The following SLC12A7 variants were observed in gnomAD, a reference collection of about 807,000 sequenced individuals.
SLC12A7 encodes solute carrier family 12 member 7, also known as K-Cl cotransporter 4.
In SLC12A7, 100 loss-of-function variants were observed where a neutral mutation model predicts 120.6. That is an observed-to-expected ratio of 0.83 (90% CI 0.71 to 0.98). The LOEUF (loss-of-function observed/expected upper bound fraction) is 0.98. Among genes scored for constraint, SLC12A7 ranks in the 50% least tolerant of loss-of-function variants. The probability of loss-of-function intolerance (pLI) is 0.00; values close to 1 mark genes in which losing one functional copy is unlikely to be tolerated. For missense variants in SLC12A7, 1,373 were observed against 1,548.1 expected, an observed-to-expected ratio of 0.89 and a Z score of 1.90; for synonymous variants, 760 against 678.0, an observed-to-expected ratio of 1.12 and a Z score of -1.88.
intron 20 of SLC12A7, among the ~76,000 whole-genome samples, chr5:1,063,570 C>T (rs966071755): frequency 6.6e-6 from 1 of 152,060 alleles, no homozygotes; most frequent in Non-Finnish European, 1.5e-5. Flanking sequence ...TTGACCACCC[C>T]GCAAGGCCTG....
chr5:1,091,761 G>A (rs1223530512), intron 3 of SLC12A7, among the ~76,000 whole-genome samples: 6 of 151,876 alleles, frequency 4.0e-5, no homozygotes, highest in Non-Finnish European at 7.4e-5. Flanking sequence ...GTTCCGCAGC[G>A]TCCACGTGCA....
rs368221390 is a variant in SLC12A7, at chr5:1,093,662, G to A, written c.220-7C>T. On this transcript the variant is annotated splice_polypyrimidine_tract_variant and splice_region_variant and intron_variant, in intron 2 of 23. Transcript: ENST00000264930. The stretch of plus-strand genomic sequence containing the variant: ...GGTTACTGTCCATCTCCTCCTGCGC[G>A]GCGTGGACATGGTCACAGGCGGCCC... 352 of 1,612,456 alleles carry A rather than the reference G, an allele frequency of 2.2e-4. No homozygotes were observed. The highest frequency in any genetic ancestry group is 4.9e-4 in the Middle Eastern group (3 of 6,068).
chr5:1,138,117 T>C, the SLC12A7 span, among the ~76,000 whole-genome samples: 1 of 152,176 alleles, frequency 6.6e-6, no homozygotes, highest in Non-Finnish European at 1.5e-5. Flanking sequence ...TCCCAGATCT[T>C]TGCAGTGTTA....
Position 1,111,885 on chromosome 5 carries a change from G to A in SLC12A7, c.107C>T (p.Pro36Leu), listed in dbSNP as rs1202730585. 1 of 1,229,026 alleles carries A rather than the reference G, an allele frequency of 8.1e-7. No homozygotes were observed. Among genetic ancestry groups the A allele is most frequent in the Admixed American group, 4.2e-5 (1 of 23,690 alleles). 76.1% of individuals were successfully genotyped at this position (1,229,026 alleles called of 1,614,324 possible). A position where few individuals can be genotyped will look rare whatever the true frequency, so the allele number is the denominator to read the frequency against. ...EAPGTPEGPE[P>L]ERPSPGDGNP... The stretch of plus-strand genomic sequence containing the variant: ...GCGCTCACCCGGGCTGGGGCGCTCG[G>A]GCTCGGGGCCCTCGGGGGTGCCCGG... Residue 36 changes from proline (P) to leucine (L), a missense_variant, in exon 1 of 24, where the codon CCC becomes CTC. By Grantham distance (98) the Pro-to-Leu change is moderately conservative. Coordinates refer to ENST00000264930, the MANE Select transcript of SLC12A7 (RefSeq NM_006598.3).
intron 1 of SLC12A7, among the ~76,000 whole-genome samples, chr5:1,101,443 G>A (rs775951824): frequency 7.2e-5 from 11 of 152,154 alleles, no homozygotes; most frequent in Non-Finnish European, 1.5e-4. Flanking sequence ...CACAGCCTCT[G>A]GTGGGTCCCT....
intron 1 of SLC12A7, among the ~76,000 whole-genome samples, chr5:1,100,914 G>A (rs1741952096): frequency 6.6e-6 from 1 of 152,196 alleles, no homozygotes; most frequent in Admixed American, 6.5e-5. Context: ...CACCCGGGAA[G>A]AGGCAGTGAA....
chr5:1,145,790 G>A, the SLC12A7 span, among the ~76,000 whole-genome samples: 22 of 151,996 alleles, frequency 1.4e-4, 1 homozygote, highest in Admixed American at 3.3e-4. The surrounding 1 kb of genome is among the most constrained non-coding windows in gnomAD (Gnocchi z 4.4). Context: ...CTGGGGGTGC[G>A]GGAGGGTTTA....
the SLC12A7 span, among the ~76,000 whole-genome samples, chr5:1,139,494 C>T: frequency 6.6e-6 from 1 of 152,278 alleles, no homozygotes; most frequent in Non-Finnish European, 1.5e-5. Flanking sequence ...CCGGCTTGGC[C>T]TTCTCTGAGG....
upstream of SLC12A7, among the ~76,000 whole-genome samples, chr5:1,116,224 T>C (rs1045665663): frequency 1.1e-4 from 17 of 152,214 alleles, no homozygotes; most frequent in African/African-American, 3.9e-4. Context: ...GTCCCAAGGG[T>C]TCTGCAAACA....
At chr5:1,087,520 C>T (rs1474093321) in intron 5 of SLC12A7, among the ~76,000 whole-genome samples, 3 of 152,246 alleles carry the variant, frequency 2.0e-5, no homozygotes, top group Admixed American at 6.5e-5. Flanking sequence ...CTGAGCAGTG[C>T]GTGTGGCATG....
chr5:1,075,543 C>G, intron 14 of SLC12A7, 53 bp from the exon 15 acceptor site: 1 of 1,573,700 alleles, frequency 6.4e-7, no homozygotes, highest in Non-Finnish European at 8.7e-7. Context: ...AGCCCCCACA[C>G]CTCAGCCACC....
At chr5:1,108,029 T>TACACACACACACACACACACACAC (rs59652318) in intron 1 of SLC12A7, among the ~76,000 whole-genome samples, 32 of 151,490 alleles carry the variant, frequency 2.1e-4, no homozygotes, top group African/African-American at 6.3e-4. Flanking sequence ...AACACACACA[T>TACACACACACACACACACACACAC]ACACACACAC....
chr5:1,108,734 T>C (rs1742756546), intron 1 of SLC12A7, among the ~76,000 whole-genome samples: 3 of 152,212 alleles, frequency 2.0e-5, no homozygotes, highest in Admixed American at 1.3e-4. Flanking sequence ...GTGCAGAGCA[T>C]GGCACCCAGC....
chr5:1,060,417 C>T lies in SLC12A7; in HGVS notation c.2774G>A (p.Arg925Lys), dbSNP rs908839718. The change falls in exon 21 of 24, where the codon AGG (arginine) becomes AAG (lysine). Residue 925 changes from arginine (R) to lysine (K), a missense_variant. Coordinates refer to ENST00000264930, the MANE Select transcript of SLC12A7 (RefSeq NM_006598.3). ...CGACCTCTGCTCCATCATTAGTGTCCTCTCGTAGGTGAAAGCAGATATGTC... is the reference window on the plus strand; with the variant it reads ...CGACCTCTGCTCCATCATTAGTGTCTTCTCGTAGGTGAAAGCAGATATGTC... The part of the protein sequence containing the change: ...ENDISAFTYE[R>K]TLMMEQRSQM... 1.9e-6 allele frequency: 3 copies of T among 1,613,784 alleles called. No homozygotes were observed. The highest frequency in any genetic ancestry group is 1.7e-5 in the Admixed American group (1 of 60,020).
chr5:1,086,047 G>A (rs562965685), intron 6 of SLC12A7, among the ~76,000 whole-genome samples: 13 of 152,310 alleles, frequency 8.5e-5, no homozygotes, highest in African/African-American at 3.1e-4. Flanking sequence ...CAGGCATGGA[G>A]GGCATGGCAC....
chr5:1,088,211 C>G, intron 5 of SLC12A7, 95 bp downstream of exon 5: 1 of 1,311,054 alleles, frequency 7.6e-7, no homozygotes, highest in Non-Finnish European at 1.1e-6. Context: ...AGCCCCCGGC[C>G]CGGCCTCGCC....
At chr5:1,155,429 T>A in the SLC12A7 span, among the ~76,000 whole-genome samples, 4,494 of 151,330 alleles carry the variant, frequency 0.03, 117 homozygotes, top group East Asian at 0.12. Context: ...TGTCGGCCCA[T>A]CCCCGCGGCC....
chr5:1,143,232 G>A, the SLC12A7 span, among the ~76,000 whole-genome samples: 1 of 152,250 alleles, frequency 6.6e-6, no homozygotes, highest in Non-Finnish European at 1.5e-5. Context: ...TGCCAGTCCT[G>A]TCGGATAAGG....
At position 1,053,355 on chromosome 5, in the gene SLC12A7, C is replaced by A; in HGVS notation, c.3154G>T (p.Glu1052Ter). Reference protein sequence around the residue: ...PGPPKNRQGDENYMEFLEVLT... With the variant: ...PGPPKNRQGD ...ACACTGCAAGAAAGGATACAGTTCT[C>A]GTCTCCCTGCCGGTTTTTGGGAGGA... is the stretch of plus-strand genomic sequence containing the variant. Residue 1052 changes from glutamate to a stop codon, truncating the protein, a stop_gained, in exon 23 of 24, where the codon GAG (glutamate) becomes TAG (stop). Transcript: ENST00000264930. LOFTEE classifies it high-confidence loss of function. The A allele has an allele frequency of 6.2e-7, 1 of 1,613,798 alleles. No individual in the cohort carries two copies. Among genetic ancestry groups the A allele is most frequent in the South Asian group, 1.1e-5 (1 of 91,042 alleles).
Sources: gnomAD v4.1 joint callset for allele counts (sites outside exome capture counted in the v4.1 genomes callset) on GRCh38, gnomAD v4.1.1 for gene constraint, Gnocchi (gnomAD v3.1) non-coding constraint, MANE v1.5 for transcripts, NCBI Gene and HGNC (gene_info 2026-07-23, HGNC 2026-07-21) for gene names.